Variants in GPR158 observed in about 807,000 individuals in gnomAD.
The protein encoded by GPR158 is G protein-coupled receptor 158.
GPR158 carries 30 observed loss-of-function variants against 78.2 expected under a neutral mutation model. That is an observed-to-expected ratio of 0.38 (90% CI 0.29 to 0.52). The LOEUF is 0.52. GPR158 is among the 20% of genes least tolerant of loss of function. GPR158 has a pLI of 0.83. For synonymous variants in GPR158, 581 were observed against 591.1 expected (o/e 0.98, Z 0.25); for missense variants, 1,463 against 1,523.5 (o/e 0.96, Z 0.66).
intron 5 of GPR158, among the ~76,000 whole-genome samples, chr10:25,540,311 A>C (rs1421093032): frequency 3.9e-5 from 6 of 152,160 alleles, no homozygotes; most frequent in African/African-American, 1.4e-4. Context: ...TGGAGAGGAC[A>C]TGGAGAAATA....
chr10:25,250,824 T>G (rs1332075739), intron 2 of GPR158, among the ~76,000 whole-genome samples: 1 of 150,748 alleles, frequency 6.6e-6, no homozygotes, highest in Non-Finnish European at 1.5e-5. Context: ...AGATGTCTAT[T>G]AGGTCCGCTT....
At chr10:25,422,850 A>ACCCC (rs11424448) in intron 4 of GPR158, among the ~76,000 whole-genome samples, 71 of 130,214 alleles carry the variant, frequency 5.5e-4, no homozygotes, top group Non-Finnish European at 9.7e-4. Context: ...TTATTCCCTT[A>ACCCC]CCCCCCCCAC....
At chr10:25,466,841 G>T (rs2130618031) in intron 5 of GPR158, 122 bp downstream of exon 5, 1 of 490,394 alleles carries the variant, frequency 2.0e-6, no homozygotes, top group Non-Finnish European at 3.5e-6. Flanking sequence ...AAGTGTGGAG[G>T]TTTTGGCTCT....
chr10:25,395,849 C>T lies in GPR158; in HGVS notation c.1009-62C>T, dbSNP rs537644355. 3.5e-4 allele frequency: 251 copies of T among 714,748 alleles called. 4 individuals carry two copies. The South Asian group carries it at 4.0e-3, about 11-fold the overall frequency. The allele number at this position is 714,748 out of a possible 1,614,324, so 44.3% of individuals were successfully genotyped here. ...TACCATTTGCAATGATGGATATCTG[C>T]GAGCCTTTATACCATGAGATAAGCC... On this transcript the variant is annotated intron_variant, in intron 2 of 10. Transcript: ENST00000376351.
At chr10:25,408,992 T>C (rs10764543) in intron 3 of GPR158, among the ~76,000 whole-genome samples, 18,409 of 152,152 alleles carry the variant, frequency 0.12, 1,150 homozygotes, top group East Asian at 0.16. Flanking sequence ...AACCCTTTAT[T>C]AATGAGTAAG....
intron 5 of GPR158, among the ~76,000 whole-genome samples, chr10:25,537,767 G>A (rs1836519200): frequency 6.6e-6 from 1 of 152,014 alleles, no homozygotes; most frequent in South Asian, 2.1e-4. Context: ...CCATTCTCAT[G>A]ATAGTGAGTT....
chr10:25,420,136 T>C (rs1834729268), intron 4 of GPR158, among the ~76,000 whole-genome samples: 1 of 152,184 alleles, frequency 6.6e-6, no homozygotes, highest in South Asian at 2.1e-4. Context: ...ATAGGGTCTT[T>C]TGAAGCCCCA....
chr10:25,352,142 G>A (rs1302631236), intron 2 of GPR158, among the ~76,000 whole-genome samples: 1 of 152,028 alleles, frequency 6.6e-6, no homozygotes, highest in Non-Finnish European at 1.5e-5. Flanking sequence ...CCAGGACCAT[G>A]CTGTAGCCCT....
At chr10:25,489,389 C>T (rs985057935) in intron 5 of GPR158, among the ~76,000 whole-genome samples, 5 of 152,168 alleles carry the variant, frequency 3.3e-5, no homozygotes, top group East Asian at 3.9e-4. Flanking sequence ...CTTCAATCCA[C>T]GAAGCAGTGA....
intron 6 of GPR158, among the ~76,000 whole-genome samples, chr10:25,557,398 A>T (rs926375313): frequency 6.6e-5 from 10 of 152,190 alleles, no homozygotes; most frequent in Non-Finnish European, 1.3e-4. Context: ...CACACAGCTT[A>T]TCATTAGGAA....
intron 1 of GPR158, among the ~76,000 whole-genome samples, chr10:25,178,076 A>T (rs1488992209): frequency 6.6e-6 from 1 of 152,182 alleles, no homozygotes; most frequent in East Asian, 1.9e-4. Context: ...TTCATCTAAC[A>T]TTCGCTTTAT....
At chr10:25,217,058 T>G (rs1353556243) in intron 1 of GPR158, among the ~76,000 whole-genome samples, 2 of 152,202 alleles carry the variant, frequency 1.3e-5, no homozygotes, top group Non-Finnish European at 2.9e-5. Flanking sequence ...AGTGTATGAT[T>G]CTTGGGCTTC....
At chr10:25,248,618 C>T (rs1853740391) in intron 2 of GPR158, among the ~76,000 whole-genome samples, 1 of 151,098 alleles carries the variant, frequency 6.6e-6, no homozygotes, top group Non-Finnish European at 1.5e-5. Flanking sequence ...AAAGATCAGA[C>T]AGTTGTAGGT....
Position 25,254,413 on chromosome 10 carries a change from C to T in GPR158, c.1008+33256C>T, listed in dbSNP as rs1025650742. Among the ~76,000 whole-genome samples, 11 of 152,056 alleles carry T rather than the reference C, an allele frequency of 7.2e-5. No homozygotes were observed. In the East Asian group the frequency reaches 1.3e-3, roughly 19 times the overall value. On this transcript the variant is annotated intron_variant, in intron 2 of 10. Transcript: ENST00000376351. ...AAGCTTATCACCTGAAAAAACATAA[C>T]TGCTTTAGTTTAAATATTAATTTCT...
chr10:25,212,396 G>A (rs1358748212), intron 1 of GPR158, among the ~76,000 whole-genome samples: 2 of 152,070 alleles, frequency 1.3e-5, no homozygotes, highest in African/African-American at 4.8e-5. Flanking sequence ...CACAAGAACA[G>A]CACTGAGGGG....
chr10:25,433,339 T>G (rs1834938420), intron 4 of GPR158, among the ~76,000 whole-genome samples: 1 of 74,614 alleles, frequency 1.3e-5, no homozygotes, highest in Non-Finnish European at 4.0e-5. Context: ...TCATTGAAAC[T>G]TAACGTGCCA....
chr10:25,328,363 A>G (rs1299611093), intron 2 of GPR158, among the ~76,000 whole-genome samples: 1 of 152,164 alleles, frequency 6.6e-6, no homozygotes, highest in Non-Finnish European at 1.5e-5. Flanking sequence ...TCATACTTGT[A>G]GGAAATTGTT....
At chr10:25,192,223 A>G (rs1194753356) in intron 1 of GPR158, among the ~76,000 whole-genome samples, 1 of 151,962 alleles carries the variant, frequency 6.6e-6, no homozygotes, top group East Asian at 1.9e-4. Context: ...TCCTGGGTTC[A>G]TTTTCCCCAC....
At chr10:25,369,117 G>A (rs1833951362) in intron 2 of GPR158, among the ~76,000 whole-genome samples, 2 of 151,612 alleles carry the variant, frequency 1.3e-5, no homozygotes, top group South Asian at 2.1e-4. Flanking sequence ...CTGCAAACAG[G>A]GACAATTTGT....
Sources: gnomAD v4.1 joint callset for allele counts (sites outside exome capture counted in the v4.1 genomes callset) on GRCh38, gnomAD v4.1.1 for gene constraint, MANE v1.5 for transcripts, NCBI Gene and HGNC (gene_info 2026-07-23, HGNC 2026-07-21) for gene names.